Variants in BCL11B observed in about 807,000 individuals in gnomAD.
BCL11B encodes the protein BCL11 transcription factor B.
BCL11B carries 8 observed loss-of-function variants against 49.9 expected under a neutral mutation model. The ratio of observed to expected loss-of-function variants is 0.16; its 90% confidence interval spans 0.09 to 0.29. BCL11B has a LOEUF of 0.29. Among genes scored for constraint, BCL11B ranks in the 10% least tolerant of loss-of-function variants. BCL11B has a pLI of 1.00. For missense variants in BCL11B, 1,006 were observed against 1,351.0 expected (o/e 0.74, Z 4.00); for synonymous variants, 739 against 637.4 (o/e 1.16, Z -2.40).
At chr14:99,202,868 T>C (rs1452271868) in intron 3 of BCL11B, among the ~76,000 whole-genome samples, 1 of 152,256 alleles carries the variant, frequency 6.6e-6, no homozygotes, top group African/African-American at 2.4e-5. Context: ...CTCTGGGTTC[T>C]GGTCTCTGGT....
chr14:99,187,201 G>A (rs982760514), intron 3 of BCL11B, among the ~76,000 whole-genome samples: 6 of 152,196 alleles, frequency 3.9e-5, no homozygotes, highest in East Asian at 1.9e-4. Flanking sequence ...ATTGCCAGCC[G>A]CAGGGGTATC....
rs1434452101 is a variant in BCL11B, at chr14:99,241,971, G to C, written c.428-10414C>G. Among the ~76,000 whole-genome samples the C allele has an allele frequency of 2.0e-5, 3 of 152,182 alleles. No individual in the cohort carries two copies. Among genetic ancestry groups the C allele is most frequent in the African/African-American group, 7.2e-5 (3 of 41,438 alleles). ...AAGCGTAAACATGATTTATTTAGCT[G>C]TGTTTAACGTGTCTGTCCTCCACTC... is the stretch of plus-strand genomic sequence containing the variant. On this transcript the variant is annotated intron_variant, in intron 2 of 3. Coordinates refer to ENST00000357195, the MANE Select transcript of BCL11B (RefSeq NM_138576.4). The surrounding 1 kb of genome is among the most constrained non-coding windows in gnomAD (Gnocchi z 4.4).
In BCL11B at chr14:99,192,913, AAG is replaced by A. The variant is rs940487554; in HGVS notation, c.641-16720_641-16719del. Reference sequence around the variant, plus strand: ...AATGAATGAGTGAATGAATGGATAAAAGAGTGAATGAATGAATGAGTAAATTA... The same window carrying A: ...AATGAATGAGTGAATGAATGGATAAAAGTGAATGAATGAATGAGTAAATTA... On this transcript the variant is annotated intron_variant, in intron 3 of 3. Transcript: ENST00000357195. The surrounding 1 kb of genome is among the most constrained non-coding windows in gnomAD (Gnocchi z 4.0). Among the ~76,000 whole-genome samples, 9 of 151,676 alleles carry A rather than the reference AAG, an allele frequency of 5.9e-5. No homozygotes were observed. Among genetic ancestry groups the A allele is most frequent in the African/African-American group, 1.7e-4 (7 of 41,254 alleles).
Position 99,175,261 on chromosome 14 carries a change from C to T in BCL11B, c.1575G>A (p.Ser525=), listed in dbSNP as rs1482357250. 1 of 1,542,272 alleles carries T rather than the reference C, an allele frequency of 6.5e-7. No homozygotes were observed. The highest frequency in any genetic ancestry group is 1.4e-5 in the African/African-American group (1 of 73,256). ...CCTCCTCCTCCGGCTCGTGGCCCAGCGACGGGTCGCTCTCGTGGTGGCGGA... is the reference window on the plus strand; with the variant it reads ...CCTCCTCCTCCGGCTCGTGGCCCAGTGACGGGTCGCTCTCGTGGTGGCGGA... ...GDFRHHESDP[S]LGHEPEEEDE... The change falls in exon 4 of 4, where the codon TCG becomes TCA. Residue 525 remains serine, a synonymous_variant. Transcript: ENST00000357195.
At chr14:99,269,442 TAA>T in intron 1 of BCL11B, among the ~76,000 whole-genome samples, 1 of 149,792 alleles carries the variant, frequency 6.7e-6, no homozygotes, top group African/African-American at 2.5e-5. Context: ...CGGCGAAAAA[TAA>T]AAGAGAAGTC....
chr14:99,236,857 C>T (rs1261548169), intron 2 of BCL11B, among the ~76,000 whole-genome samples: 3 of 152,246 alleles, frequency 2.0e-5, no homozygotes, highest in African/African-American at 7.2e-5. Context: ...CATGGGTTCA[C>T]ATTGAAGCAC....
In BCL11B at chr14:99,271,299, C is replaced by CGCCGCTGCA; in HGVS notation, c.-82_-81insTGCAGCGGC. 1.3e-6 allele frequency: 1 copy of CGCCGCTGCA among 752,594 alleles called. No individual in the cohort carries two copies. The highest frequency in any genetic ancestry group is 1.7e-6 in the Non-Finnish European group (1 of 575,894). The allele number at this position is 752,594 out of a possible 1,614,324, so 46.6% of individuals were successfully genotyped here. A position where few individuals can be genotyped will look rare whatever the true frequency, so the allele number is the denominator to read the frequency against. ...GGGGAGGGGGTCCGAGCCGCCGCCG[C>CGCCGCTGCA]GCCGCTGCCGCCGCTGCCGCCGCCG... On this transcript the variant is annotated 5_prime_UTR_variant, in exon 1 of 4. Coordinates refer to ENST00000357195, the MANE Select transcript of BCL11B (RefSeq NM_138576.4).
chr14:99,217,301 C>T (rs1887873194), intron 3 of BCL11B, among the ~76,000 whole-genome samples: 1 of 151,782 alleles, frequency 6.6e-6, no homozygotes, highest in Non-Finnish European at 1.5e-5. Context: ...CTCACAAATA[C>T]ATACACTTAC....
chr14:99,268,949 C>A (rs1889566780), intron 1 of BCL11B, among the ~76,000 whole-genome samples: 1 of 152,170 alleles, frequency 6.6e-6, no homozygotes, highest in Admixed American at 6.5e-5. Context: ...TGGGAAAGTG[C>A]TGCACCAGGC....
chr14:99,210,523 C>T (rs1297530780), intron 3 of BCL11B, among the ~76,000 whole-genome samples: 1 of 152,096 alleles, frequency 6.6e-6, no homozygotes, highest in Non-Finnish European at 1.5e-5. Flanking sequence ...CCTCAGCCGG[C>T]CACCTCCCTG....
chr14:99,181,532 G>C (rs142149510), intron 3 of BCL11B, among the ~76,000 whole-genome samples: 1 of 152,198 alleles, frequency 6.6e-6, no homozygotes, highest in Non-Finnish European at 1.5e-5. Context: ...GGCATTTATC[G>C]TCAGGGCCTG....
chr14:99,175,462 C>G lies in BCL11B; in HGVS notation c.1374G>C (p.Gln458His), dbSNP rs759125537. ...CCTGCGAGCACGCGTGGTCGCACAG[C>G]TGGCACTTGTAGGGCTTCTCGCCCG... ...SHTGEKPYKC[Q>H]LCDHACSQAS... is the part of the protein sequence containing the mutation. Residue 458 changes from glutamine to histidine, a missense_variant, in exon 4 of 4, where the codon CAG becomes CAC. Physicochemically the swap from Gln to His is conservative, Grantham distance 24. Transcript: ENST00000357195. The G allele has an allele frequency of 1.9e-6, 3 of 1,611,594 alleles. No homozygotes were observed. Among genetic ancestry groups the G allele is most frequent in the Non-Finnish European group, 2.5e-6 (3 of 1,178,858 alleles).
rs1390039184 is a variant in BCL11B, at chr14:99,228,360, A to ATAGTT, written c.640+2980_640+2984dup. 6.6e-6 allele frequency among the ~76,000 whole-genome samples: 1 copy of ATAGTT among 152,238 alleles called. No individual in the cohort carries two copies. Among genetic ancestry groups the ATAGTT allele is most frequent in the Non-Finnish European group, 1.5e-5 (1 of 68,038 alleles). On this transcript the variant is annotated intron_variant, in intron 3 of 3. Coordinates refer to ENST00000357195, the MANE Select transcript of BCL11B (RefSeq NM_138576.4). The surrounding 1 kb of genome is among the most constrained non-coding windows in gnomAD (Gnocchi z 4.8). ...AAGGGACAAAAAACACCAGAATAGGATAGTTTCAGGTATTCAAATTGATCG... is the reference window on the plus strand; with the variant it reads ...AAGGGACAAAAAACACCAGAATAGGATAGTTTAGTTTCAGGTATTCAAATTGATCG...
At position 99,213,412 on chromosome 14, in the gene BCL11B, G is replaced by A. The variant is rs1469883364; in HGVS notation, c.640+17933C>T. ...TTGAATGGATTAACATGAATGCGAC[G>A]TTTCCCCTCCAAAAATTCGAGGAAC... is the stretch of plus-strand genomic sequence containing the variant. On this transcript the variant is annotated intron_variant, in intron 3 of 3. Transcript: ENST00000357195. The surrounding 1 kb of genome is among the most constrained non-coding windows in gnomAD (Gnocchi z 5.1). Among the ~76,000 whole-genome samples the A allele has an allele frequency of 1.3e-5, 2 of 152,154 alleles. No individual in the cohort carries two copies. Among genetic ancestry groups the A allele is most frequent in the Admixed American group, 6.5e-5 (1 of 15,282 alleles).
At chr14:99,269,869 T>A (rs1347861099) in intron 1 of BCL11B, among the ~76,000 whole-genome samples, 2 of 112,936 alleles carry the variant, frequency 1.8e-5, no homozygotes, top group Non-Finnish European at 3.4e-5. Flanking sequence ...TTATTTCTAT[T>A]GCAGTTAAAA....
intron 3 of BCL11B, among the ~76,000 whole-genome samples, chr14:99,227,931 C>T (rs983501240): frequency 2.0e-5 from 3 of 152,210 alleles, no homozygotes; most frequent in Admixed American, 1.3e-4. Context: ...CTCCCCACTG[C>T]GACCATTGGA....
intron 3 of BCL11B, among the ~76,000 whole-genome samples, chr14:99,219,916 G>A (rs1162063999): frequency 1.3e-5 from 2 of 152,070 alleles, no homozygotes; most frequent in African/African-American, 2.4e-5. Context: ...TATACTGAAG[G>A]TGGTAGCCCC....
chr14:99,258,945 G>C (rs1889258162), intron 1 of BCL11B, among the ~76,000 whole-genome samples: 1 of 152,038 alleles, frequency 6.6e-6, no homozygotes, highest in Non-Finnish European at 1.5e-5. Flanking sequence ...ATATTTGGAA[G>C]CTAATAAATG....
At chr14:99,246,372 G>A (rs914881955) in intron 2 of BCL11B, among the ~76,000 whole-genome samples, 1 of 152,244 alleles carries the variant, frequency 6.6e-6, no homozygotes, top group African/African-American at 2.4e-5. Context: ...CGCAGCGGGC[G>A]CGGGTCAAAG....
Sources: gnomAD v4.1 joint callset for allele counts (sites outside exome capture counted in the v4.1 genomes callset) on GRCh38, gnomAD v4.1.1 for gene constraint, Gnocchi (gnomAD v3.1) non-coding constraint, MANE v1.5 for transcripts, NCBI Gene and HGNC (gene_info 2026-07-23, HGNC 2026-07-21) for gene names.